Variants in TRPC6 observed in about 807,000 individuals in gnomAD.
TRPC6 encodes transient receptor potential cation channel subfamily C member 6, also known as short transient receptor potential channel 6.
Under a neutral mutation model 90.7 loss-of-function variants are expected in TRPC6, and 55 were observed. The observed-to-expected ratio is 0.61, with a 90% confidence interval of 0.49 to 0.76. TRPC6 has a LOEUF of 0.76. Ranked by LOEUF, TRPC6 falls within the 30% of genes least tolerant of loss-of-function variation. TRPC6 has a pLI of 0.00. For synonymous variants in TRPC6, 393 were observed against 393.0 expected, an observed-to-expected ratio of 1.00 and a Z score of 0.00; for missense variants, 989 against 1,122.7, an observed-to-expected ratio of 0.88 and a Z score of 1.70.
chr11:101,567,177 T>TG (rs1861854541), intron 1 of TRPC6, among the ~76,000 whole-genome samples: 1 of 148,490 alleles, frequency 6.7e-6, no homozygotes, highest in Admixed American at 6.7e-5. Flanking sequence ...TCTAGCTAGG[T>TG]GGGGGGAGGG....
At chr11:101,558,143 A>C (rs1050438496) in intron 1 of TRPC6, among the ~76,000 whole-genome samples, 3 of 151,564 alleles carry the variant, frequency 2.0e-5, no homozygotes. Context: ...AGCGCATAAG[A>C]GCAAAGTACT....
intron 2 of TRPC6, among the ~76,000 whole-genome samples, chr11:101,495,762 T>C (rs1379632721): frequency 6.6e-6 from 1 of 151,974 alleles, no homozygotes; most frequent in Non-Finnish European, 1.5e-5. Context: ...AATAAAACAA[T>C]TATTCATATA....
intron 5 of TRPC6, among the ~76,000 whole-genome samples, chr11:101,481,055 G>A (rs1859539146): frequency 6.6e-6 from 1 of 152,122 alleles, no homozygotes; most frequent in Non-Finnish European, 1.5e-5. Flanking sequence ...TGAAAGTTTT[G>A]AATAACTCAA....
At chr11:101,468,621 A>G (rs181801286) in intron 10 of TRPC6, among the ~76,000 whole-genome samples, 179 of 152,300 alleles carry the variant, frequency 1.2e-3, no homozygotes, top group Non-Finnish European at 2.0e-3. Flanking sequence ...AGTGGGTATA[A>G]TAGCTGAAAG....
In TRPC6 at chr11:101,462,811, G is replaced by T. The variant is rs543124510; in HGVS notation, c.2484+6616C>A. Among the ~76,000 whole-genome samples, 11 of 152,068 alleles carry T rather than the reference G, an allele frequency of 7.2e-5. No homozygotes were observed. The South Asian group carries it at 2.3e-3, about 32-fold the overall frequency. Reference sequence around the variant, plus strand: ...TGAATACCCTTTCTTTCTTTCTCTTGCCTGAATCCCCTTGCCAGAACTTCC... The same window carrying T: ...TGAATACCCTTTCTTTCTTTCTCTTTCCTGAATCCCCTTGCCAGAACTTCC... On this transcript the variant is annotated intron_variant, in intron 10 of 12. Coordinates refer to ENST00000344327, the MANE Select transcript of TRPC6 (RefSeq NM_004621.6).
At chr11:101,482,164 T>C (rs962288728) in intron 5 of TRPC6, among the ~76,000 whole-genome samples, 1 of 152,206 alleles carries the variant, frequency 6.6e-6, no homozygotes, top group African/African-American at 2.4e-5. Flanking sequence ...TAATTATTGA[T>C]TTACTTACTG....
chr11:101,477,947 C>T (rs927176851), intron 5 of TRPC6, among the ~76,000 whole-genome samples: 3 of 152,158 alleles, frequency 2.0e-5, no homozygotes, highest in African/African-American at 7.2e-5. Context: ...TGACATCCTG[C>T]CTCCTGCTGG....
chr11:101,543,854 C>T (rs894698301), intron 1 of TRPC6, among the ~76,000 whole-genome samples: 21 of 152,134 alleles, frequency 1.4e-4, no homozygotes, highest in African/African-American at 4.6e-4. Context: ...ACACCAAAAG[C>T]AATGGCAACA....
intron 1 of TRPC6, among the ~76,000 whole-genome samples, chr11:101,547,853 C>T (rs1861345217): frequency 6.6e-6 from 1 of 152,126 alleles, no homozygotes; most frequent in African/African-American, 2.4e-5. Flanking sequence ...TCCTCCTACT[C>T]ATTAATTCTC....
intron 2 of TRPC6, among the ~76,000 whole-genome samples, chr11:101,492,581 TA>T (rs35149876): frequency 0.39 from 59,049 of 149,538 alleles, 12,308 homozygotes; most frequent in African/African-American, 0.55. Flanking sequence ...AGACCCTGTC[TA>T]AAAAAAAAAG....
chr11:101,545,893 T>G (rs1266956418), intron 1 of TRPC6, among the ~76,000 whole-genome samples: 1 of 152,114 alleles, frequency 6.6e-6, no homozygotes. Flanking sequence ...TGGTGTTTTC[T>G]GGTTTTCACA....
In TRPC6 at chr11:101,460,729, C is replaced by T. The variant is rs148901512; in HGVS notation, c.2485-5628G>A. 1.1e-3 allele frequency among the ~76,000 whole-genome samples: 173 copies of T among 152,066 alleles called. 2 individuals carry two copies. In the East Asian group the frequency reaches 0.018, roughly 15 times the overall value. On this transcript the variant is annotated intron_variant, in intron 10 of 12. Transcript: ENST00000344327. ...CTGCATTGTGAATGCACTTAATGCT[C>T]CTGAACTATATGCTTAAAAATGGTT...
chr11:101,552,187 C>T (rs188696083), intron 1 of TRPC6, among the ~76,000 whole-genome samples: 1 of 152,150 alleles, frequency 6.6e-6, no homozygotes, highest in East Asian at 1.9e-4. Flanking sequence ...AACTTAGAAA[C>T]TTAGTTTTCT....
At chr11:101,540,836 T>A (rs1861151217) in intron 1 of TRPC6, among the ~76,000 whole-genome samples, 1 of 152,234 alleles carries the variant, frequency 6.6e-6, no homozygotes, top group African/African-American at 2.4e-5. Context: ...TTTGTGAGTT[T>A]TTATTTTCTT....
chr11:101,552,002 T>C (rs1245304347), intron 1 of TRPC6, among the ~76,000 whole-genome samples: 1 of 152,084 alleles, frequency 6.6e-6, no homozygotes, highest in East Asian at 1.9e-4. Flanking sequence ...GCTCCTGTTA[T>C]TGCTATGATT....
In TRPC6 at chr11:101,504,239, T is replaced by C; in HGVS notation, c.730A>G (p.Arg244Gly). The change falls in exon 2 of 13, where the codon AGG becomes GGG. Residue 244 changes from arginine (R) to glycine (G), a missense_variant. This residue lies in a region of TRPC6 where 486 missense variants were observed against 591.9 expected (regional missense o/e 0.82). Coordinates refer to ENST00000344327, the MANE Select transcript of TRPC6 (RefSeq NM_004621.6). ...IVHTLLRKGA[R>G]IERPHDYFCK... ...AAATAATCATGAGGCCGTTCAATCCTAGCACCCTTCCGCAGGAGGGTATGC... is the reference window on the plus strand; with the variant it reads ...AAATAATCATGAGGCCGTTCAATCCCAGCACCCTTCCGCAGGAGGGTATGC... 6.2e-7 allele frequency: 1 copy of C among 1,614,114 alleles called. No individual in the cohort carries two copies.
intron 1 of TRPC6, among the ~76,000 whole-genome samples, chr11:101,514,985 T>C (rs1466209063): frequency 6.6e-6 from 1 of 152,146 alleles, no homozygotes; most frequent in Non-Finnish European, 1.5e-5. Flanking sequence ...ACCTGTGTCA[T>C]CCCTCTGAGC....
chr11:101,497,003 C>T (rs182073488), intron 2 of TRPC6, among the ~76,000 whole-genome samples: 41 of 152,328 alleles, frequency 2.7e-4, no homozygotes, highest in African/African-American at 9.6e-4. Context: ...TGAATCCTCC[C>T]AACCTAGCAT....
rs185047150 is a variant in TRPC6, at chr11:101,569,066, A to G, written c.170+14268T>C. 2.7e-3 allele frequency among the ~76,000 whole-genome samples: 418 copies of G among 152,324 alleles called. 3 individuals carry two copies. The highest frequency in any genetic ancestry group is 9.6e-3 in the African/African-American group (401 of 41,572). ...CCCCAATTAAAAGACACAGAATGGC[A>G]AGTTGGATGAAGAGTCAAGACACAT... On this transcript the variant is annotated intron_variant, in intron 1 of 12. Transcript: ENST00000344327.
Sources: gnomAD v4.1 joint callset for allele counts (sites outside exome capture counted in the v4.1 genomes callset) on GRCh38, gnomAD v4.1.1 for gene constraint, gnomAD v4.1.1 regional missense constraint, MANE v1.5 for transcripts, NCBI Gene and HGNC (gene_info 2026-07-23, HGNC 2026-07-21) for gene names.